Variants in DPP6 observed in about 807,000 individuals in gnomAD.
DPP6 encodes the protein dipeptidyl peptidase like 6, also known as A-type potassium channel modulatory protein DPP6.
DPP6 carries 69 observed loss-of-function variants against 122.6 expected under a neutral mutation model. The ratio of observed to expected loss-of-function variants is 0.56; its 90% CI spans 0.46 to 0.69. DPP6 has a LOEUF of 0.69. Among genes scored for constraint, DPP6 ranks in the 30% least tolerant of loss-of-function variants. The pLI is 0.00. For synonymous variants in DPP6, 418 were observed against 433.1 expected (o/e 0.97, Z 0.43); for missense variants, 928 against 1,116.9 (o/e 0.83, Z 2.41).
At chr7:154,347,879 A>G (rs1177584133) in intron 1 of DPP6, among the ~76,000 whole-genome samples, 1 of 152,230 alleles carries the variant, frequency 6.6e-6, no homozygotes, top group Admixed American at 6.5e-5. Flanking sequence ...AGCCCTGCCA[A>G]TGAATCCTGG....
chr7:154,199,268 C>T (rs374088532), intron 1 of DPP6, among the ~76,000 whole-genome samples: 1 of 152,274 alleles, frequency 6.6e-6, no homozygotes, highest in Non-Finnish European at 1.5e-5. Context: ...TTATCCTAAG[C>T]GTCCCTGCTC....
At chr7:153,780,362 T>A in the DPP6 span, among the ~76,000 whole-genome samples, 1 of 152,190 alleles carries the variant, frequency 6.6e-6, no homozygotes, top group Non-Finnish European at 1.5e-5. Context: ...TACTGACCTT[T>A]TTTTTAAAAA....
At chr7:154,233,841 G>T (rs1801047339) in intron 1 of DPP6, among the ~76,000 whole-genome samples, 1 of 152,158 alleles carries the variant, frequency 6.6e-6, no homozygotes, top group African/African-American at 2.4e-5. Context: ...AAATACTTTA[G>T]AAAAAGTAAA....
Position 154,877,559 on chromosome 7 carries a change from A to T in DPP6, c.2078+1459A>T, listed in dbSNP as rs1804995975. Among the ~76,000 whole-genome samples, 1 of 152,190 alleles carries T rather than the reference A, an allele frequency of 6.6e-6. No individual in the cohort carries two copies. The highest frequency in any genetic ancestry group is 2.4e-5 in the African/African-American group (1 of 41,454). On this transcript the variant is annotated intron_variant, in intron 20 of 25. Coordinates refer to ENST00000377770, the MANE Select transcript of DPP6 (RefSeq NM_130797.4). This position sits in a 1 kb window ranked among gnomAD's most constrained non-coding sequence, Gnocchi z 5.2. The stretch of plus-strand genomic sequence containing the variant: ...TCTCCGTCTCTCCGCCCAGCCAGCC[A>T]TGATGGTCTCATCCTAAGCCGAGCC...
At chr7:154,182,443 C>T (rs139595064) in intron 1 of DPP6, among the ~76,000 whole-genome samples, 109 of 152,174 alleles carry the variant, frequency 7.2e-4, no homozygotes, top group African/African-American at 2.5e-3. Flanking sequence ...GGTTTTATGT[C>T]GGGGCTGTTC....
chr7:153,941,569 A>G (rs1461274623), intron 1 of DPP6, among the ~76,000 whole-genome samples: 2 of 152,200 alleles, frequency 1.3e-5, no homozygotes, highest in Admixed American at 1.3e-4. Context: ...CCTTTGGTAT[A>G]AAAGGAAGGA....
chr7:154,056,974 T>C (rs1800879527), intron 1 of DPP6, among the ~76,000 whole-genome samples: 1 of 152,236 alleles, frequency 6.6e-6, no homozygotes, highest in Non-Finnish European at 1.5e-5. Context: ...CCCATTACTC[T>C]CATCACCAAT....
chr7:154,682,313 A>G lies in DPP6; in HGVS notation c.762+12872A>G, dbSNP rs575786258. On this transcript the variant is annotated intron_variant, in intron 7 of 25. Transcript: ENST00000377770. Reference sequence around the variant, plus strand: ...TTAAAACCTGTCAGGATCAGGCTGAACTCAACAAGGCGAAAGGACCTGAAC... The same window carrying G: ...TTAAAACCTGTCAGGATCAGGCTGAGCTCAACAAGGCGAAAGGACCTGAAC... Among the ~76,000 whole-genome samples the G allele has an allele frequency of 3.3e-5, 5 of 152,382 alleles. No homozygotes were observed. The East Asian group carries it at 9.6e-4, about 29-fold the overall frequency.
chr7:153,960,406 C>A (rs967662511), intron 1 of DPP6, among the ~76,000 whole-genome samples: 1 of 152,122 alleles, frequency 6.6e-6, no homozygotes, highest in Non-Finnish European at 1.5e-5. Context: ...TTCTTAATAG[C>A]CGCACCCCAA....
chr7:154,178,842 T>C (rs1797937209), intron 1 of DPP6, among the ~76,000 whole-genome samples: 1 of 151,966 alleles, frequency 6.6e-6, no homozygotes, highest in Non-Finnish European at 1.5e-5. Flanking sequence ...CAGCCTCAGA[T>C]GGGGGAGAGA....
chr7:154,026,700 A>G (rs1295121733), intron 1 of DPP6: 2 of 151,292 alleles, frequency 1.3e-5, no homozygotes, highest in Non-Finnish European at 2.9e-5. Flanking sequence ...ACTGGGTAAG[A>G]GCAAAAGAAA....
At chr7:154,350,647 T>C (rs1362909631) in intron 1 of DPP6, among the ~76,000 whole-genome samples, 1 of 152,060 alleles carries the variant, frequency 6.6e-6, no homozygotes, top group African/African-American at 2.4e-5. Flanking sequence ...GTATCACTGC[T>C]CTGCCTTGAA....
chr7:154,661,977 T>A (rs1451164396), intron 6 of DPP6, among the ~76,000 whole-genome samples: 3 of 102,148 alleles, frequency 2.9e-5, no homozygotes, highest in Admixed American at 9.9e-5. Flanking sequence ...ATCAGCATGG[T>A]GTATTGGCGC....
chr7:154,174,887 T>C (rs1215115423), intron 1 of DPP6, among the ~76,000 whole-genome samples: 1 of 150,606 alleles, frequency 6.6e-6, no homozygotes, highest in Non-Finnish European at 1.5e-5. Flanking sequence ...TCTTTTTTTT[T>C]TTGTTTTGAG....
intron 1 of DPP6, among the ~76,000 whole-genome samples, chr7:153,936,109 C>T (rs1385816909): frequency 6.6e-6 from 1 of 152,196 alleles, no homozygotes; most frequent in Non-Finnish European, 1.5e-5. Context: ...GTACCGGCAT[C>T]TGCGCTCTAA....
At chr7:153,888,394 T>C (rs1023388165) in intron 1 of DPP6, among the ~76,000 whole-genome samples, 1 of 152,212 alleles carries the variant, frequency 6.6e-6, no homozygotes, top group African/African-American at 2.4e-5. Context: ...TCCGGGCAGC[T>C]GGCCAGGGGA....
the DPP6 span, among the ~76,000 whole-genome samples, chr7:153,827,327 G>T: frequency 1.1e-4 from 17 of 152,268 alleles, no homozygotes; most frequent in African/African-American, 3.9e-4. Flanking sequence ...GTCATATGTT[G>T]TACTTGTGCT....
intron 1 of DPP6, among the ~76,000 whole-genome samples, chr7:154,249,634 G>A (rs564274347): frequency 1.3e-5 from 2 of 152,282 alleles, no homozygotes; most frequent in South Asian, 4.1e-4. Flanking sequence ...GAGCTTTTGT[G>A]TGATTCCAGG....
chr7:154,377,454 T>C (rs1056648353), intron 1 of DPP6, among the ~76,000 whole-genome samples: 1 of 152,152 alleles, frequency 6.6e-6, no homozygotes, highest in Non-Finnish European at 1.5e-5. Context: ...ATCATTGATA[T>C]GATTTGGCTC....
Sources: allele counts gnomAD v4.1 joint callset (sites outside exome capture counted in the v4.1 genomes callset), GRCh38; gene constraint gnomAD v4.1.1; non-coding constraint Gnocchi (gnomAD v3.1); transcripts MANE v1.5; gene names NCBI Gene and HGNC (gene_info 2026-07-23, HGNC 2026-07-21).